PRPF40B: variants seen among roughly 807,000 people sequenced by gnomAD.
PRPF40B encodes the protein pre-mRNA processing factor 40B, also known as pre-mRNA-processing factor 40 homolog B.
Under a neutral mutation model 124.5 loss-of-function variants are expected in PRPF40B, and 56 were observed. The observed-to-expected ratio is 0.45, with a 90% CI of 0.36 to 0.56. The LOEUF is 0.56. Among genes scored for constraint, PRPF40B ranks in the 20% least tolerant of loss-of-function variants. The pLI is 0.00. For missense variants in PRPF40B, 1,053 were observed against 1,169.5 expected, an observed-to-expected ratio of 0.90 and a Z score of 1.45; for synonymous variants, 443 against 426.4, an observed-to-expected ratio of 1.04 and a Z score of -0.48.
chr12:49,644,410 G>A lies in PRPF40B; in HGVS notation c.*218G>A. On this transcript the variant is annotated 3_prime_UTR_variant, in exon 26 of 26. Transcript: ENST00000548825. The stretch of plus-strand genomic sequence containing the variant: ...AGTGCAGTCCTTGCCCTCAGCCCCA[G>A]ACCAGAGATGGGTGGTATATGCCAT... 2 of 576,488 alleles carry A rather than the reference G, an allele frequency of 3.5e-6. No individual in the cohort carries two copies. The highest frequency in any genetic ancestry group is 6.2e-6 in the Non-Finnish European group (2 of 320,064). 35.7% of individuals were successfully genotyped at this position (576,488 alleles called of 1,614,324 possible).
At chr12:49,636,123 AC>A in intron 15 of PRPF40B, 130 bp downstream of exon 15, 1 of 1,156,550 alleles carries the variant, frequency 8.6e-7, no homozygotes, top group Non-Finnish European at 1.2e-6. Context: ...CTCAACACTC[AC>A]CCAGTCCTTG....
chr12:49,641,742 C>G (rs1310037467), intron 18 of PRPF40B, 166 bp from the exon 19 acceptor site: 1 of 607,954 alleles, frequency 1.6e-6, no homozygotes, highest in Non-Finnish European at 2.9e-6. Flanking sequence ...GCTTAATTGT[C>G]AAGTGATGAG....
intron 1 of PRPF40B, among the ~76,000 whole-genome samples, chr12:49,624,500 A>T (rs1467211531): frequency 6.6e-6 from 1 of 152,174 alleles, no homozygotes; most frequent in Non-Finnish European, 1.5e-5. Flanking sequence ...AATGATGGAG[A>T]CCAAAAGTAA....
At chr12:49,623,928 G>A (rs374745786) in intron 1 of PRPF40B, 3 of 1,138,664 alleles carry the variant, frequency 2.6e-6, no homozygotes, top group Non-Finnish European at 2.2e-6. Context: ...GGGACTGAGG[G>A]GACCAGGGGA....
rs750082476 is a variant in PRPF40B, at chr12:49,635,134, T to A, written c.1037T>A (p.Phe346Tyr). ...AAACTGAGTGAGAAAAAGCAGGCAT[T>A]CAATGCCTACAAGGCGCAGCGGGAG... ...LPKLSEKKQA[F>Y]NAYKAQREKE... The change falls in exon 13 of 26, where the codon TTC becomes TAC. Residue 346 changes from phenylalanine (F) to tyrosine (Y), a missense_variant. Around this residue, in one of 2 missense-constraint regions of PRPF40B, gnomAD observed 895 missense variants for 1,052.2 expected, o/e 0.85. Transcript: ENST00000548825. The surrounding 1 kb of genome is among the most constrained non-coding windows in gnomAD (Gnocchi z 4.1). 3.1e-6 allele frequency: 5 copies of A among 1,613,762 alleles called. No homozygotes were observed. In the East Asian group the frequency reaches 6.7e-5, roughly 22 times the overall value.
intron 10 of PRPF40B, 111 bp from the exon 11 acceptor site, chr12:49,634,221 A>G: frequency 6.3e-7 from 1 of 1,586,218 alleles, no homozygotes. Context: ...TGAAGGGCAG[A>G]AAAAGGCTGC....
At position 49,635,480 on chromosome 12, in the gene PRPF40B, G is replaced by A. The variant is rs1225791953; in HGVS notation, c.1275+7G>A. On this transcript the variant is annotated splice_region_variant and intron_variant, in intron 14 of 25. Transcript: ENST00000548825. This position sits in a 1 kb window ranked among gnomAD's most constrained non-coding sequence, Gnocchi z 4.1. ...CCTGGCCAAGAAGGAGAAGGTAATG[G>A]TCCCTGGGCAGAATCCTTCAGCCCA... 6.2e-7 allele frequency: 1 copy of A among 1,608,962 alleles called. No homozygotes were observed. Among genetic ancestry groups the A allele is most frequent in the Admixed American group, 1.7e-5 (1 of 59,158 alleles).
At chr12:49,637,439 C>A in intron 16 of PRPF40B, 31 bp from the exon 17 acceptor site, 3 of 1,512,504 alleles carry the variant, frequency 2.0e-6, no homozygotes, top group Non-Finnish European at 2.7e-6. Context: ...CCCTGTCTCA[C>A]TCTCCCTATA....
At position 49,633,953 on chromosome 12, in the gene PRPF40B, C is replaced by T. The variant is rs149593115; in HGVS notation, c.673C>T (p.Pro225Ser). 1.2e-6 allele frequency: 2 copies of T among 1,614,248 alleles called. No homozygotes were observed. Among genetic ancestry groups the T allele is most frequent in the Non-Finnish European group, 1.7e-6 (2 of 1,180,042 alleles). The change falls in exon 10 of 26, where the codon CCT becomes TCT. Residue 225 changes from proline (P) to serine (S), a missense_variant. Physicochemically the swap from Pro to Ser is moderately conservative, Grantham distance 74. Coordinates refer to ENST00000548825, the MANE Select transcript of PRPF40B (RefSeq NM_001031698.3). ...QPPQPQPDPP[P>S]VPPGPTPVPT... ...ACCTCAGCCACAGCCTGACCCCCCA[C>T]CTGTGCCTCCTGGCCCCACCCCAGT...
At chr12:49,636,468 T>C in intron 15 of PRPF40B, 1 of 508,198 alleles carries the variant, frequency 2.0e-6, no homozygotes, top group East Asian at 3.1e-5. Context: ...GGTTTCATGT[T>C]ATGGCTTCTA....
At chr12:49,625,822 G>A (rs1171620336) in intron 1 of PRPF40B, among the ~76,000 whole-genome samples, 2 of 152,158 alleles carry the variant, frequency 1.3e-5, no homozygotes, top group Admixed American at 1.3e-4. Context: ...AATAAAATAA[G>A]ACCCAAAGTT....
At chr12:49,624,951 G>T (rs1940573818) in intron 1 of PRPF40B, among the ~76,000 whole-genome samples, 2 of 152,194 alleles carry the variant, frequency 1.3e-5, no homozygotes, top group African/African-American at 4.8e-5. Context: ...AACTAGGATG[G>T]TCTTTGAAAC....
At position 49,633,037 on chromosome 12, in the gene PRPF40B, G is replaced by A. The variant is rs1345230786; in HGVS notation, c.372G>A (p.Val124=). ...GPPRALWSEH[V]APDGRIYYYN... ...AGAGGGCCCTATGGAGTGAGCATGT[G>A]GCCCCAGATGGGCGCATCTACTACT... Residue 124 remains valine (V), a synonymous_variant, in exon 7 of 26, where the codon GTG becomes GTA. Coordinates refer to ENST00000548825, the MANE Select transcript of PRPF40B (RefSeq NM_001031698.3). 6.3e-7 allele frequency: 1 copy of A among 1,585,832 alleles called. No homozygotes were observed. Among genetic ancestry groups the A allele is most frequent in the Non-Finnish European group, 8.5e-7 (1 of 1,169,942 alleles).
intron 4 of PRPF40B, 156 bp from the exon 5 acceptor site, chr12:49,632,439 TG>T: frequency 1.3e-6 from 1 of 746,272 alleles, no homozygotes; most frequent in Non-Finnish European, 2.2e-6. Context: ...CCCAGAGCTA[TG>T]GCCCTGAAGG....
chr12:49,633,373 C>A (rs947209572), intron 7 of PRPF40B, 54 bp from the exon 8 acceptor site: 5 of 1,610,988 alleles, frequency 3.1e-6, no homozygotes, highest in Non-Finnish European at 4.2e-6. Context: ...GCTCCCCTGA[C>A]TGGCTGGAGA....
rs1020396520 is a variant in PRPF40B at position 49,631,692 on chromosome 12, G to A, written c.228+148G>A. On this transcript the variant is annotated intron_variant, in intron 3 of 25. Transcript: ENST00000548825. The surrounding 1 kb of genome is among the most constrained non-coding windows in gnomAD (Gnocchi z 4.3). ...GTGGATTTGTCTGCTGAATGACTGA[G>A]ACAACTCTCAGGCAAGGTGAGAGGC... The A allele has an allele frequency of 7.7e-7, 1 of 1,304,230 alleles. No homozygotes were observed. Among genetic ancestry groups the A allele is most frequent in the Non-Finnish European group, 1.1e-6 (1 of 916,104 alleles). The allele number at this position is 1,304,230 out of a possible 1,614,324, so 80.8% of individuals were successfully genotyped here. A position where few individuals can be genotyped will look rare whatever the true frequency, so the allele number is the denominator to read the frequency against.
intron 15 of PRPF40B, 139 bp from the exon 16 acceptor site, chr12:49,636,577 G>GC (rs1941834244): frequency 2.8e-6 from 3 of 1,074,684 alleles, no homozygotes; most frequent in Non-Finnish European, 4.1e-6. Flanking sequence ...CTCCCACAGA[G>GC]CCCCCTCCAG....
In PRPF40B at chr12:49,644,291, C is replaced by A. The variant is rs1297409230; in HGVS notation, c.*99C>A. The A allele has an allele frequency of 2.2e-6, 3 of 1,382,844 alleles. No individual in the cohort carries two copies. The highest frequency in any genetic ancestry group is 2.9e-5 in the African/African-American group (2 of 69,890). The allele number at this position is 1,382,844 out of a possible 1,614,324, so 85.7% of individuals were successfully genotyped here. ...ACTTCTTCCTTAGTCTGGTCTGTGT[C>A]CACTTTTTCTAAAGTAACCCCACCC... On this transcript the variant is annotated 3_prime_UTR_variant, in exon 26 of 26. Coordinates refer to ENST00000548825, the MANE Select transcript of PRPF40B (RefSeq NM_001031698.3).
Position 49,644,514 on chromosome 12 carries a change from C to G in PRPF40B, c.*322C>G. 1 of 363,530 alleles carries G rather than the reference C, an allele frequency of 2.8e-6. No homozygotes were observed. The highest frequency in any genetic ancestry group is 3.9e-4 in the Middle Eastern group (1 of 2,590). The allele number at this position is 363,530 out of a possible 1,614,324, so 22.5% of individuals were successfully genotyped here. ...AGAGTCACAGGCTGTTGGACGCAGC[C>G]TGGGTGGCAGAGGGCAGGGTCATCA... is the stretch of plus-strand genomic sequence containing the variant. On this transcript the variant is annotated 3_prime_UTR_variant, in exon 26 of 26. Coordinates refer to ENST00000548825, the MANE Select transcript of PRPF40B (RefSeq NM_001031698.3).
Sources: allele counts gnomAD v4.1 joint callset (sites outside exome capture counted in the v4.1 genomes callset), GRCh38; gene constraint gnomAD v4.1.1; regional missense constraint gnomAD v4.1.1; non-coding constraint Gnocchi (gnomAD v3.1); transcripts MANE v1.5; gene names NCBI Gene and HGNC (gene_info 2026-07-23, HGNC 2026-07-21).